PLXDC2: variants seen among roughly 807,000 people sequenced by gnomAD.
PLXDC2 encodes the protein plexin domain containing 2.
In PLXDC2, 40 loss-of-function variants were observed where a neutral mutation model predicts 68.9. The ratio of observed to expected loss-of-function variants is 0.58; its 90% CI spans 0.45 to 0.76. The LOEUF is 0.76. Ranked by LOEUF, PLXDC2 falls within the 30% of genes least tolerant of loss-of-function variation. PLXDC2 has a pLI of 0.00. For synonymous variants in PLXDC2, 243 were observed against 234.2 expected (o/e 1.04, Z -0.34); for missense variants, 644 against 661.9 (o/e 0.97, Z 0.30).
intron 13 of PLXDC2, among the ~76,000 whole-genome samples, chr10:20,248,241 AT>A: frequency 6.6e-6 from 1 of 152,222 alleles, no homozygotes; most frequent in South Asian, 2.1e-4. Flanking sequence ...TGACTGCAAA[AT>A]AGTGGAATAT....
chr10:20,221,253 G>C (rs1835208625), intron 12 of PLXDC2, among the ~76,000 whole-genome samples: 1 of 151,996 alleles, frequency 6.6e-6, no homozygotes, highest in Non-Finnish European at 1.5e-5. Flanking sequence ...ACTTAGTTTT[G>C]TTTGAGCCAT....
intron 13 of PLXDC2, among the ~76,000 whole-genome samples, chr10:20,264,704 G>C (rs949001231): frequency 6.6e-6 from 1 of 151,562 alleles, no homozygotes; most frequent in Non-Finnish European, 1.5e-5. Context: ...AGAAATAAAA[G>C]GTTTAAAAGT....
At chr10:19,852,640 T>G (rs1426290364) in intron 1 of PLXDC2, among the ~76,000 whole-genome samples, 2 of 152,044 alleles carry the variant, frequency 1.3e-5, no homozygotes, top group Non-Finnish European at 2.9e-5. Flanking sequence ...CTATAGATAA[T>G]TATATAATAT....
intron 1 of PLXDC2, among the ~76,000 whole-genome samples, chr10:19,992,949 G>T (rs575685735): frequency 3.9e-5 from 6 of 152,170 alleles, no homozygotes; most frequent in Admixed American, 3.3e-4. Flanking sequence ...TCCTCTGAAC[G>T]ATTAATCAGA....
At chr10:19,883,981 T>G (rs1168815347) in intron 1 of PLXDC2, among the ~76,000 whole-genome samples, 2 of 142,232 alleles carry the variant, frequency 1.4e-5, no homozygotes, top group Admixed American at 7.3e-5. Context: ...CACTGCAGCC[T>G]CAACTTCCTG....
chr10:19,995,498 C>G (rs1357485500), intron 1 of PLXDC2, among the ~76,000 whole-genome samples: 1 of 152,130 alleles, frequency 6.6e-6, no homozygotes, highest in Non-Finnish European at 1.5e-5. Flanking sequence ...TAGCATGTAC[C>G]AAAATTCCAG....
At chr10:20,250,240 G>A (rs551098968) in intron 13 of PLXDC2, among the ~76,000 whole-genome samples, 5 of 139,046 alleles carry the variant, frequency 3.6e-5, no homozygotes, top group Admixed American at 7.7e-5. Context: ...TGCACTGGTC[G>A]CAGCCTGGGC....
At chr10:20,185,183 A>AC in intron 9 of PLXDC2, among the ~76,000 whole-genome samples, 1 of 151,314 alleles carries the variant, frequency 6.6e-6, no homozygotes, top group Non-Finnish European at 1.5e-5. Context: ...AAAAAAAAAA[A>AC]AAAACTATGG....
At chr10:19,898,394 C>G (rs114888896) in intron 1 of PLXDC2, among the ~76,000 whole-genome samples, 1 of 152,146 alleles carries the variant, frequency 6.6e-6, no homozygotes, top group East Asian at 1.9e-4. Flanking sequence ...GCTGCACTTA[C>G]GAATTTTACA....
At chr10:19,992,560 C>G (rs1834767568) in intron 1 of PLXDC2, among the ~76,000 whole-genome samples, 1 of 152,106 alleles carries the variant, frequency 6.6e-6, no homozygotes, top group South Asian at 2.1e-4. Context: ...ATCATTATCA[C>G]AGTATAACAA....
intron 2 of PLXDC2, among the ~76,000 whole-genome samples, chr10:20,044,206 T>TG: frequency 9.6e-6 from 1 of 104,124 alleles, no homozygotes; most frequent in South Asian, 3.6e-4. Flanking sequence ...TCTCTCTCTC[T>TG]CTCTGTCTTT....
intron 1 of PLXDC2, among the ~76,000 whole-genome samples, chr10:19,829,880 A>G (rs955255894): frequency 3.3e-5 from 5 of 152,234 alleles, no homozygotes; most frequent in Admixed American, 2.0e-4. Context: ...ATACTAAGCT[A>G]GCAAGAACAG....
At chr10:20,038,223 A>G (rs1218726741) in intron 2 of PLXDC2, among the ~76,000 whole-genome samples, 2 of 151,940 alleles carry the variant, frequency 1.3e-5, no homozygotes, top group Non-Finnish European at 2.9e-5. Flanking sequence ...GTGACAGAGC[A>G]AGACTCTGTC....
chr10:20,127,852 A>G (rs1833813560), intron 4 of PLXDC2, among the ~76,000 whole-genome samples: 1 of 152,144 alleles, frequency 6.6e-6, no homozygotes, highest in African/African-American at 2.4e-5. Flanking sequence ...AAAAGGAAAA[A>G]GACTGTTATT....
chr10:20,168,227 T>C (rs1834399928), intron 7 of PLXDC2, among the ~76,000 whole-genome samples: 2 of 152,198 alleles, frequency 1.3e-5, no homozygotes, highest in Non-Finnish European at 2.9e-5. Context: ...ATTTGATTAT[T>C]GGTCATGAAA....
intron 6 of PLXDC2, among the ~76,000 whole-genome samples, chr10:20,162,063 A>AAG (rs1174805204): frequency 7.1e-5 from 5 of 70,598 alleles, no homozygotes; most frequent in East Asian, 6.3e-4. Context: ...AGAGAGAGAG[A>AAG]GAGAGAGAGA....
At chr10:19,882,048 G>A (rs1057202081) in intron 1 of PLXDC2, among the ~76,000 whole-genome samples, 1 of 152,194 alleles carries the variant, frequency 6.6e-6, no homozygotes, top group Admixed American at 6.5e-5. Flanking sequence ...TACTTGACAT[G>A]TTTCTGGTAA....
At chr10:20,107,358 G>A (rs1413841419) in intron 4 of PLXDC2, among the ~76,000 whole-genome samples, 4 of 151,890 alleles carry the variant, frequency 2.6e-5, no homozygotes, top group Admixed American at 6.6e-5. Flanking sequence ...AATATTCCTC[G>A]AAGGCTGAAT....
chr10:20,068,687 A>G (rs1408118259), intron 4 of PLXDC2, among the ~76,000 whole-genome samples: 2 of 150,072 alleles, frequency 1.3e-5, no homozygotes, highest in Non-Finnish European at 1.5e-5. Flanking sequence ...ACACACAACC[A>G]TATGTGCATT....
Sources: allele counts gnomAD v4.1 joint callset (sites outside exome capture counted in the v4.1 genomes callset), GRCh38; gene constraint gnomAD v4.1.1; transcripts MANE v1.5; gene names NCBI Gene and HGNC (gene_info 2026-07-23, HGNC 2026-07-21).